APOL4: variants seen among roughly 807,000 people sequenced by gnomAD.
The protein encoded by APOL4 is apolipoprotein L, 4.
Under a neutral mutation model 12.1 loss-of-function variants are expected in APOL4, and 14 were observed. The observed-to-expected ratio is 1.16, with a 90% confidence interval of 0.76 to 1.81. The LOEUF is 1.81. APOL4 is among the 40% of genes most tolerant of loss of function. The pLI is 0.00. For missense variants in APOL4, 432 were observed against 423.1 expected (o/e 1.02, Z -0.18); for synonymous variants, 171 against 160.6 (o/e 1.06, Z -0.49).
chr22:36,201,013 T>C (rs374055829), intron 1 of APOL4, among the ~76,000 whole-genome samples: 8 of 152,150 alleles, frequency 5.3e-5, no homozygotes, highest in Non-Finnish European at 1.2e-4. Flanking sequence ...TATAAGAAAG[T>C]TGTAAGTAAA....
chr22:36,202,044 C>G (rs200055263), upstream of APOL4: 11,019 of 1,614,004 alleles, frequency 6.8e-3, 57 homozygotes, highest in Non-Finnish European at 8.2e-3. Flanking sequence ...CATGTCGCTG[C>G]GGGGCCTCCT....
upstream of APOL4, among the ~76,000 whole-genome samples, chr22:36,203,053 C>T (rs1484128442): frequency 1.3e-5 from 2 of 152,208 alleles, no homozygotes; most frequent in African/African-American, 4.8e-5. Context: ...CCACAGGTGG[C>T]TTTTGAATCT....
chr22:36,203,851 A>C (rs1162371148), upstream of APOL4, among the ~76,000 whole-genome samples: 1 of 152,146 alleles, frequency 6.6e-6, no homozygotes, highest in Non-Finnish European at 1.5e-5. Context: ...TCCTGCATGC[A>C]ATTTTGTATT....
At chr22:36,193,336 C>T (rs1384367895) in intron 3 of APOL4, among the ~76,000 whole-genome samples, 1 of 152,188 alleles carries the variant, frequency 6.6e-6, no homozygotes, top group Non-Finnish European at 1.5e-5. Context: ...AGGCTTCCTT[C>T]CTGATTTAAT....
chr22:36,204,598 TGG>T (rs2014673494), upstream of APOL4: 4 of 414,838 alleles, frequency 9.6e-6, no homozygotes, highest in South Asian at 1.5e-4. Context: ...AATAAGGAGA[TGG>T]AGGGAGGTCA....
At chr22:36,201,328 C>T (rs984374324) in intron 1 of APOL4, among the ~76,000 whole-genome samples, 1 of 150,050 alleles carries the variant, frequency 6.7e-6, no homozygotes, top group Non-Finnish European at 1.5e-5. Context: ...GATGGGGTTC[C>T]ATCCTCCAGC....
upstream of APOL4, among the ~76,000 whole-genome samples, chr22:36,203,779 G>T (rs1435483743): frequency 1.3e-5 from 2 of 152,190 alleles, no homozygotes; most frequent in Non-Finnish European, 2.9e-5. Context: ...CTCTGCAGGG[G>T]GAAGCACATC....
chr22:36,204,725 G>A (rs1300752430), upstream of APOL4: 4 of 389,466 alleles, frequency 1.0e-5, no homozygotes, highest in East Asian at 5.1e-5. Flanking sequence ...AACCAGACAC[G>A]TCCTCCAGCC....
intron 3 of APOL4, among the ~76,000 whole-genome samples, chr22:36,193,155 G>A (rs575279851): frequency 6.6e-6 from 1 of 152,230 alleles, no homozygotes; most frequent in East Asian, 1.9e-4. Context: ...CCTGCCTTTA[G>A]GGAGCATCCT....
chr22:36,199,656 A>G, intron 1 of APOL4: 1 of 1,551,188 alleles, frequency 6.4e-7, no homozygotes, highest in Non-Finnish European at 8.7e-7. Flanking sequence ...CAGCCATCTG[A>G]TCATTACAGA....
At chr22:36,192,083 G>A (rs2014273085) in intron 3 of APOL4, among the ~76,000 whole-genome samples, 171 bp from the exon 4 acceptor site, 1 of 152,222 alleles carries the variant, frequency 6.6e-6, no homozygotes, top group Admixed American at 6.5e-5. Flanking sequence ...GCTCATGCTT[G>A]TAATCCCAGC....
At chr22:36,204,712 A>T (rs5995251), upstream of APOL4, 131,884 of 455,320 alleles carry the variant, frequency 0.29, 19,746 homozygotes, top group African/African-American at 0.4. Flanking sequence ...GCACCTATAT[A>T]ATAACCAGAC....
chr22:36,197,164 C>T (rs2014435487), intron 2 of APOL4, among the ~76,000 whole-genome samples: 1 of 152,166 alleles, frequency 6.6e-6, no homozygotes, highest in South Asian at 2.1e-4. Flanking sequence ...CAGCCCAGCC[C>T]TTCCTAAGGA....
At chr22:36,192,211 G>A (rs1422234823) in intron 3 of APOL4, among the ~76,000 whole-genome samples, 1 of 152,100 alleles carries the variant, frequency 6.6e-6, no homozygotes, top group African/African-American at 2.4e-5. Context: ...GTGGTGGTGA[G>A]TGCCTGTAGT....
intron 1 of APOL4, among the ~76,000 whole-genome samples, chr22:36,200,467 A>T (rs909485214): frequency 6.6e-6 from 1 of 152,164 alleles, no homozygotes; most frequent in Non-Finnish European, 1.5e-5. Context: ...AAAGACCTGG[A>T]TCCTGCCAGA....
chr22:36,202,720 C>T (rs1305143552), upstream of APOL4, among the ~76,000 whole-genome samples: 34 of 144,722 alleles, frequency 2.3e-4, no homozygotes, highest in African/African-American at 7.3e-4. Context: ...AGCGAGACTC[C>T]ATCTCAGAAA....
upstream of APOL4, chr22:36,202,133 G>A (rs938451371): frequency 3.8e-5 from 61 of 1,594,124 alleles, no homozygotes; most frequent in Middle Eastern, 3.9e-4. Context: ...TTAATAAACC[G>A]TTTTGCTGTG....
chr22:36,199,284 G>A, intron 2 of APOL4, 46 bp downstream of exon 2: 3 of 1,611,900 alleles, frequency 1.9e-6, no homozygotes, highest in Non-Finnish European at 2.5e-6. Flanking sequence ...ACCAGCCAGG[G>A]AAGAGGAGGC....
chr22:36,191,817 C>T lies in APOL4; in HGVS notation c.305G>A (p.Arg102Lys). Residue 102 changes from arginine (R) to lysine (K), a missense_variant, in exon 4 of 4, where the codon AGG (arginine) becomes AAG (lysine). Physicochemically the swap from Arg to Lys is conservative, Grantham distance 26. Coordinates refer to ENST00000683024, the MANE Select transcript of APOL4 (RefSeq NM_001386885.1). ...KDMQQKEQQF[R>K]EWFLKEFPQI... ...AGGAAACTCTTTCAAAAACCACTCC[C>T]TAAACTGCTGTTCTTTTTGCTGCAT... The T allele has an allele frequency of 1.2e-6, 2 of 1,613,956 alleles. No homozygotes were observed. The highest frequency in any genetic ancestry group is 1.7e-6 in the Non-Finnish European group (2 of 1,179,902).
Sources: gnomAD v4.1 joint callset for allele counts (sites outside exome capture counted in the v4.1 genomes callset) on GRCh38, gnomAD v4.1.1 for gene constraint, MANE v1.5 for transcripts, NCBI Gene and HGNC (gene_info 2026-07-23, HGNC 2026-07-21) for gene names.